Variants in NFIB observed in about 807,000 individuals in gnomAD.
NFIB encodes nuclear factor 1 B-type.
Under a neutral mutation model 61.5 loss-of-function variants are expected in NFIB, and 11 were observed. The ratio of observed to expected loss-of-function variants is 0.18; its 90% confidence interval spans 0.11 to 0.30. NFIB has a LOEUF of 0.30. Among genes scored for constraint, NFIB ranks in the 10% least tolerant of loss-of-function variants. NFIB has a pLI of 1.00. For missense variants in NFIB, 471 were observed against 608.9 expected, an observed-to-expected ratio of 0.77 and a Z score of 2.38; for synonymous variants, 260 against 216.5, an observed-to-expected ratio of 1.20 and a Z score of -1.76.
chr9:14,310,221 T>C (rs538528424), intron 1 of NFIB, among the ~76,000 whole-genome samples: 2 of 152,364 alleles, frequency 1.3e-5, no homozygotes, highest in Admixed American at 1.3e-4. Flanking sequence ...TTGACTTTGC[T>C]GTCAATGCTG....
chr9:14,278,940 T>C (rs1330590371), intron 2 of NFIB, among the ~76,000 whole-genome samples: 4 of 152,162 alleles, frequency 2.6e-5, no homozygotes, highest in African/African-American at 7.2e-5. Context: ...AAGTCCACAA[T>C]AGGTTCAATA....
At chr9:14,229,029 A>G (rs199706170) in intron 2 of NFIB, among the ~76,000 whole-genome samples, 29 of 124,060 alleles carry the variant, frequency 2.3e-4, no homozygotes, top group East Asian at 5.9e-4. Flanking sequence ...GTTTACAGGG[A>G]AAAAAAAAAA....
intron 6 of NFIB, among the ~76,000 whole-genome samples, chr9:14,128,369 T>C (rs542617651): frequency 7.2e-5 from 11 of 152,308 alleles, no homozygotes; most frequent in Non-Finnish European, 1.5e-4. Flanking sequence ...AAAAATTCCA[T>C]AGAATAAATA....
intron 6 of NFIB, among the ~76,000 whole-genome samples, chr9:14,137,724 ATACTT>A (rs2041228332): frequency 6.6e-6 from 1 of 152,178 alleles, no homozygotes; most frequent in Non-Finnish European, 1.5e-5. Flanking sequence ...TAATAAATAT[ATACTT>A]TATTTTTATA....
At chr9:14,271,963 A>T (rs2057656020) in intron 2 of NFIB, among the ~76,000 whole-genome samples, 1 of 152,196 alleles carries the variant, frequency 6.6e-6, no homozygotes. Flanking sequence ...CTTAGAAGTA[A>T]AAATAAAAAC....
chr9:14,347,030 C>G (rs1394865174), intron 1 of NFIB, among the ~76,000 whole-genome samples: 1 of 151,888 alleles, frequency 6.6e-6, no homozygotes, highest in Non-Finnish European at 1.5e-5. Flanking sequence ...AAATCGCGGC[C>G]AGGGAGCCCC....
At chr9:14,344,239 G>C (rs1160422936) in intron 1 of NFIB, among the ~76,000 whole-genome samples, 1 of 151,932 alleles carries the variant, frequency 6.6e-6, no homozygotes, top group Non-Finnish European at 1.5e-5. Context: ...CACACAGAGA[G>C]AGTCACACAG....
At chr9:14,462,511 T>C in the NFIB span, among the ~76,000 whole-genome samples, 1 of 152,142 alleles carries the variant, frequency 6.6e-6, no homozygotes, top group Non-Finnish European at 1.5e-5. Flanking sequence ...CTGGATCTCC[T>C]GACCTCATGA....
At chr9:14,347,150 T>TC (rs2061034953) in intron 1 of NFIB, among the ~76,000 whole-genome samples, 1 of 108,478 alleles carries the variant, frequency 9.2e-6, no homozygotes, top group South Asian at 3.2e-4. Flanking sequence ...GGGTGGGATC[T>TC]TAAAAAAAAA....
At chr9:14,427,952 T>TTTTTTTTTTTTTG in the NFIB span, among the ~76,000 whole-genome samples, 1 of 113,812 alleles carries the variant, frequency 8.8e-6, no homozygotes, top group Non-Finnish European at 1.9e-5. Context: ...TTTTTTTTTT[T>TTTTTTTTTTTTTG]TTTTTTTTTT....
At chr9:14,515,422 G>A in the NFIB span, among the ~76,000 whole-genome samples, 1 of 152,126 alleles carries the variant, frequency 6.6e-6, no homozygotes, top group Non-Finnish European at 1.5e-5. Flanking sequence ...GGGGAAATTG[G>A]GGTTTAGAGC....
chr9:14,277,329 G>A (rs1320570171), intron 2 of NFIB, among the ~76,000 whole-genome samples: 1 of 121,408 alleles, frequency 8.2e-6, no homozygotes, highest in African/African-American at 3.2e-5. Flanking sequence ...GCGCACACAC[G>A]TGCACGCACA....
chr9:14,522,749 G>A, the NFIB span, among the ~76,000 whole-genome samples: 1 of 152,186 alleles, frequency 6.6e-6, no homozygotes, highest in African/African-American at 2.4e-5. Context: ...AGAAATGAAA[G>A]TTTATTTCCT....
the NFIB span, among the ~76,000 whole-genome samples, chr9:14,516,190 A>G: frequency 6.6e-6 from 1 of 152,224 alleles, no homozygotes; most frequent in African/African-American, 2.4e-5. Context: ...CAAATGCCAA[A>G]TGACTGGCCC....
chr9:14,373,493 AT>A (rs1264968912), intron 1 of NFIB, among the ~76,000 whole-genome samples: 1 of 152,070 alleles, frequency 6.6e-6, no homozygotes, highest in Non-Finnish European at 1.5e-5. Flanking sequence ...TTTTTGAATT[AT>A]TGTTTTAGAC....
At chr9:14,359,239 C>A (rs1564029859) in intron 1 of NFIB, among the ~76,000 whole-genome samples, 1 of 152,126 alleles carries the variant, frequency 6.6e-6, no homozygotes, top group African/African-American at 2.4e-5. Flanking sequence ...TGAATGTGAC[C>A]TTATTTGAAA....
At chr9:14,412,217 A>G in the NFIB span, among the ~76,000 whole-genome samples, 1 of 152,158 alleles carries the variant, frequency 6.6e-6, no homozygotes, top group African/African-American at 2.4e-5. Flanking sequence ...ATGGTCTTAG[A>G]TTGTCCTATG....
upstream of NFIB, among the ~76,000 whole-genome samples, chr9:14,403,474 A>G (rs1430987048): frequency 6.6e-6 from 1 of 152,100 alleles, no homozygotes; most frequent in Non-Finnish European, 1.5e-5. Flanking sequence ...TTCTAAATCT[A>G]AGTTATACTG....
At chr9:14,166,027 A>C (rs1432538624) in intron 3 of NFIB, among the ~76,000 whole-genome samples, 1 of 152,198 alleles carries the variant, frequency 6.6e-6, no homozygotes, top group Non-Finnish European at 1.5e-5. Flanking sequence ...TAAAATTTAA[A>C]AATGCAGTCT....
Sources: allele counts gnomAD v4.1 joint callset (sites outside exome capture counted in the v4.1 genomes callset), GRCh38; gene constraint gnomAD v4.1.1; transcripts MANE v1.5; gene names NCBI Gene and HGNC (gene_info 2026-07-23, HGNC 2026-07-21).